The following B3GNT3 variants were observed in gnomAD, a reference collection of about 807,000 sequenced individuals.
B3GNT3 encodes the protein N-acetyllactosaminide beta-1,3-N-acetylglucosaminyltransferase 3.
B3GNT3 carries 7 observed loss-of-function variants against 11.6 expected under a neutral mutation model. The observed-to-expected ratio is 0.60, with a 90% confidence interval of 0.34 to 1.13. B3GNT3 has a LOEUF of 1.13. Ranked by LOEUF, B3GNT3 falls within the 50% of genes most tolerant of loss-of-function variation. The pLI, the probability that B3GNT3 is intolerant of heterozygous loss-of-function variation, is 0.03. For synonymous variants in B3GNT3, 201 were observed against 222.1 expected (o/e 0.90, Z 0.85); for missense variants, 400 against 507.4 (o/e 0.79, Z 2.03).
At chr19:17,796,789 G>A (rs1269512483) in intron 1 of B3GNT3, among the ~76,000 whole-genome samples, 1 of 152,184 alleles carries the variant, frequency 6.6e-6, no homozygotes, top group African/African-American at 2.4e-5. Flanking sequence ...CCAGAGTTCA[G>A]GAATCCAGAC....
Position 17,811,715 on chromosome 19 carries a change from C to A in B3GNT3, c.712C>A (p.Leu238Met), listed in dbSNP as rs754575773. Residue 238 changes from leucine to methionine, a missense_variant, in exon 3 of 3, where the codon CTG becomes ATG. Physicochemically the swap from Leu to Met is conservative, Grantham distance 15. Coordinates refer to ENST00000318683, the MANE Select transcript of B3GNT3 (RefSeq NM_014256.4). This position sits in a 1 kb window ranked among gnomAD's most constrained non-coding sequence, Gnocchi z 4.1. ...DPGRHLFVGQ[L>M]IQNVGPIRAF... is the part of the protein sequence containing the mutation. ...TGGCCGCCACCTCTTCGTGGGGCAA[C>A]TGATCCAAAACGTGGGCCCCATCCG... The A allele has an allele frequency of 6.2e-6, 10 of 1,614,142 alleles. No homozygotes were observed. Among genetic ancestry groups the A allele is most frequent in the Non-Finnish European group, 1.7e-6 (2 of 1,180,060 alleles).
chr19:17,803,544 C>T (rs1006915820), intron 1 of B3GNT3, among the ~76,000 whole-genome samples: 1 of 152,290 alleles, frequency 6.6e-6, no homozygotes, highest in African/African-American at 2.4e-5. Context: ...GGTCTGGCAG[C>T]GGGCGGCCAG....
chr19:17,796,555 C>G (rs2094159738), intron 1 of B3GNT3, among the ~76,000 whole-genome samples: 1 of 152,340 alleles, frequency 6.6e-6, no homozygotes, highest in Admixed American at 6.5e-5. Context: ...CTCCCACTGG[C>G]CTGTTCTCAA....
At chr19:17,810,297 C>T (rs1449664862) in intron 2 of B3GNT3, among the ~76,000 whole-genome samples, 1 of 151,864 alleles carries the variant, frequency 6.6e-6, no homozygotes, top group African/African-American at 2.4e-5. Flanking sequence ...TCGAGACCAG[C>T]TTCTTGGGAG....
intron 1 of B3GNT3, among the ~76,000 whole-genome samples, chr19:17,803,887 C>T (rs1424260577): frequency 6.6e-6 from 1 of 151,590 alleles, no homozygotes; most frequent in African/African-American, 2.4e-5. Context: ...AATTAGCTGG[C>T]AAGGTGGCTT....
At chr19:17,810,526 C>T (rs1405141800) in intron 2 of B3GNT3, among the ~76,000 whole-genome samples, 5 of 152,056 alleles carry the variant, frequency 3.3e-5, no homozygotes, top group African/African-American at 1.2e-4. Context: ...ATGGCATGAA[C>T]AGAAAAGAGA....
At chr19:17,807,722 T>G in intron 1 of B3GNT3, 36 bp from the exon 2 acceptor site, 2 of 1,321,670 alleles carry the variant, frequency 1.5e-6, no homozygotes, top group Admixed American at 4.6e-5. Flanking sequence ...AGCGCTTTGC[T>G]CATGGCGAGT....
chr19:17,803,914 C>A (rs1388805659), intron 1 of B3GNT3, among the ~76,000 whole-genome samples: 1 of 151,994 alleles, frequency 6.6e-6, no homozygotes, highest in Non-Finnish European at 1.5e-5. Flanking sequence ...GTAATCCCAG[C>A]GCTTTGGGAA....
At chr19:17,807,526 A>ATTAAAAAAT (rs1284197495) in intron 1 of B3GNT3, among the ~76,000 whole-genome samples, 4 of 151,704 alleles carry the variant, frequency 2.6e-5, no homozygotes, top group Non-Finnish European at 4.4e-5. Flanking sequence ...AAAAAACAAA[A>ATTAAAAAAT]TTAAAAAATT....
chr19:17,796,236 GCA>G (rs1015592922), intron 1 of B3GNT3, among the ~76,000 whole-genome samples: 5 of 151,966 alleles, frequency 3.3e-5, no homozygotes, highest in African/African-American at 1.2e-4. Flanking sequence ...GACTACAGGT[GCA>G]CACCACAGGC....
At chr19:17,795,333 T>C (rs1478674174) in intron 1 of B3GNT3, 127 bp downstream of exon 1, 1 of 152,148 alleles carries the variant, frequency 6.6e-6, no homozygotes, top group Non-Finnish European at 1.5e-5. Context: ...TGTGGGAACA[T>C]TCGGGAGCCC....
Position 17,811,988 on chromosome 19 carries a change from C to A in B3GNT3, c.985C>A (p.Leu329Met), listed in dbSNP as rs765094386. ...TSGVRAPSQRLSSFDPCFYRD... is the reference protein window; with the variant it reads ...TSGVRAPSQRMSSFDPCFYRD... Reference sequence around the variant, plus strand: ...TGGCGTGCGGGCTCCATCGCAACGCCTGTCCTCCTTTGACCCCTGCTTCTA... The same window carrying A: ...TGGCGTGCGGGCTCCATCGCAACGCATGTCCTCCTTTGACCCCTGCTTCTA... The change falls in exon 3 of 3, where the codon CTG (leucine) becomes ATG (methionine). Residue 329 changes from leucine (L) to methionine (M), a missense_variant. Physicochemically the swap from Leu to Met is conservative, Grantham distance 15 (BLOSUM62 2). Coordinates refer to ENST00000318683, the MANE Select transcript of B3GNT3 (RefSeq NM_014256.4). This position sits in a 1 kb window ranked among gnomAD's most constrained non-coding sequence, Gnocchi z 4.1. 22 of 1,603,148 alleles carry A rather than the reference C, an allele frequency of 1.4e-5. No individual in the cohort carries two copies. Among genetic ancestry groups the A allele is most frequent in the Non-Finnish European group, 1.8e-5 (21 of 1,179,990 alleles).
At position 17,811,468 on chromosome 19, in the gene B3GNT3, G is replaced by A; in HGVS notation, c.568-103G>A. 8.1e-7 allele frequency: 1 copy of A among 1,228,944 alleles called. No homozygotes were observed. Among genetic ancestry groups the A allele is most frequent in the South Asian group, 1.6e-5 (1 of 64,102 alleles). The allele number at this position is 1,228,944 out of a possible 1,614,324, so 76.1% of individuals were successfully genotyped here. A position where few individuals can be genotyped will look rare whatever the true frequency, so the allele number is the denominator to read the frequency against. On this transcript the variant is annotated intron_variant, in intron 2 of 2. Transcript: ENST00000318683. This position sits in a 1 kb window ranked among gnomAD's most constrained non-coding sequence, Gnocchi z 4.1. The stretch of plus-strand genomic sequence containing the variant: ...GGGCCTTAACCCAGGCTGGATTGTG[G>A]ACACTTCCTTTCCTGGGCTTAGTGG...
chr19:17,809,506 G>A (rs1288379286), intron 2 of B3GNT3, among the ~76,000 whole-genome samples: 4 of 151,594 alleles, frequency 2.6e-5, no homozygotes, highest in Admixed American at 1.3e-4. Context: ...GAGTGCAGTG[G>A]TGCAATCTCG....
intron 1 of B3GNT3, among the ~76,000 whole-genome samples, chr19:17,802,349 G>A (rs1048932532): frequency 6.6e-6 from 1 of 152,186 alleles, no homozygotes; most frequent in Non-Finnish European, 1.5e-5. Flanking sequence ...TGAGATAGGA[G>A]GTGATGGCTA....
chr19:17,802,117 A>T (rs1181268808), intron 1 of B3GNT3, among the ~76,000 whole-genome samples: 1 of 151,832 alleles, frequency 6.6e-6, no homozygotes, highest in Non-Finnish European at 1.5e-5. Context: ...TTGTAGAGAC[A>T]GGGTCTTGCT....
Position 17,808,056 on chromosome 19 carries a change from C to T in B3GNT3, c.249C>T (p.Phe83=). 1.3e-6 allele frequency: 2 copies of T among 1,594,248 alleles called. No homozygotes were observed. The highest frequency in any genetic ancestry group is 1.7e-6 in the Non-Finnish European group (2 of 1,168,072). ...FATQPQHVQN[F]LLYRHCRHFP... is the part of the protein sequence containing the mutation. ...CGCAGCCGCAGCACGTTCAGAACTT[C>T]CTCCTGTACAGACACTGCCGCCACT... is the stretch of plus-strand genomic sequence containing the variant. The change falls in exon 2 of 3, where the codon TTC becomes TTT. Residue 83 remains phenylalanine, a synonymous_variant. Coordinates refer to ENST00000318683, the MANE Select transcript of B3GNT3 (RefSeq NM_014256.4).
At chr19:17,799,213 G>C (rs533964873) in intron 1 of B3GNT3, among the ~76,000 whole-genome samples, 1 of 150,240 alleles carries the variant, frequency 6.7e-6, no homozygotes, top group African/African-American at 2.4e-5. Flanking sequence ...GAGAATTGGA[G>C]AAACAGCGGC....
chr19:17,796,668 G>C (rs2094159852), intron 1 of B3GNT3, among the ~76,000 whole-genome samples: 1 of 152,168 alleles, frequency 6.6e-6, no homozygotes. Flanking sequence ...TGTTTGCTCA[G>C]TCCAGCCTGG....
Sources: gnomAD v4.1 joint callset for allele counts (sites outside exome capture counted in the v4.1 genomes callset) on GRCh38, gnomAD v4.1.1 for gene constraint, Gnocchi (gnomAD v3.1) non-coding constraint, MANE v1.5 for transcripts, NCBI Gene and HGNC (gene_info 2026-07-23, HGNC 2026-07-21) for gene names.